PEBP1: variants seen among roughly 807,000 people sequenced by gnomAD.
PEBP1 encodes phosphatidylethanolamine binding protein 1, also known as phosphatidylethanolamine-binding protein 1.
In PEBP1, 17 loss-of-function variants were observed where a neutral mutation model predicts 22.7. The observed-to-expected ratio is 0.75, with a 90% CI of 0.51 to 1.12. The LOEUF (loss-of-function observed/expected upper bound fraction) is 1.12, where lower values mean the gene tolerates loss of function less well. PEBP1 is among the 50% of genes most tolerant of loss of function. The pLI is 0.00. For synonymous variants in PEBP1, 106 were observed against 104.3 expected (o/e 1.02, Z -0.10); for missense variants, 205 against 243.5 (o/e 0.84, Z 1.05).
At chr12:118,141,537 C>T (rs879508257) in intron 3 of PEBP1, among the ~76,000 whole-genome samples, 3 of 152,248 alleles carry the variant, frequency 2.0e-5, no homozygotes, top group Middle Eastern at 3.4e-3. Context: ...AATTCAAGAC[C>T]GGCCTGGCCA....
intron 3 of PEBP1, among the ~76,000 whole-genome samples, chr12:118,140,789 C>T (rs577816918): frequency 8.7e-4 from 132 of 152,190 alleles, no homozygotes; most frequent in Middle Eastern, 3.4e-3. Context: ...CTACCTGCCT[C>T]GGTCTCCCAA....
chr12:118,141,591 A>G (rs1043995900), intron 3 of PEBP1, among the ~76,000 whole-genome samples: 1 of 152,186 alleles, frequency 6.6e-6, no homozygotes, highest in African/African-American at 2.4e-5. Context: ...AAAATTATCC[A>G]GGCATGGTGG....
intron 3 of PEBP1, among the ~76,000 whole-genome samples, chr12:118,142,870 T>G (rs1322087220): frequency 6.9e-6 from 1 of 144,806 alleles, no homozygotes; most frequent in Non-Finnish European, 1.5e-5. Context: ...GATAGGGTCT[T>G]ACTCTGTCCC....
intron 3 of PEBP1, among the ~76,000 whole-genome samples, chr12:118,142,036 T>C (rs923470635): frequency 5.9e-5 from 9 of 151,936 alleles, no homozygotes; most frequent in African/African-American, 2.2e-4. Context: ...TTTGGGCACA[T>C]GCTACACCAG....
chr12:118,137,143 C>T (rs1592926392), intron 1 of PEBP1, among the ~76,000 whole-genome samples: 1 of 152,186 alleles, frequency 6.6e-6, no homozygotes, highest in Non-Finnish European at 1.5e-5. Context: ...TTTCTTTGCA[C>T]TTTGAAACGT....
intron 3 of PEBP1, among the ~76,000 whole-genome samples, chr12:118,142,158 G>A (rs1443909165): frequency 2.7e-5 from 4 of 150,930 alleles, no homozygotes; most frequent in Non-Finnish European, 4.4e-5. Flanking sequence ...ACAAAGTGGA[G>A]TGGCTGCCAT....
chr12:118,137,940 G>A (rs2034080727), intron 1 of PEBP1, 99 bp from the exon 2 acceptor site: 3 of 769,848 alleles, frequency 3.9e-6, no homozygotes, highest in Non-Finnish European at 6.8e-6. Flanking sequence ...TCTCTCCTAG[G>A]CCTCCCAAAG....
At position 118,144,923 on chromosome 12, in the gene PEBP1, C is replaced by T. The variant is rs190033546; in HGVS notation, c.*120C>T. On this transcript the variant is annotated 3_prime_UTR_variant, in exon 4 of 4. Coordinates refer to ENST00000261313, the MANE Select transcript of PEBP1 (RefSeq NM_002567.4). ...CCCCTTGGCATGGGTGAGACCTGAC[C>T]AGTCAGATGGTAGTTGAGGGTGACT... 2.3e-3 allele frequency: 3,574 copies of T among 1,562,562 alleles called. 10 individuals are homozygous for T. The highest frequency in any genetic ancestry group is 2.8e-3 in the Non-Finnish European group (3,202 of 1,160,586).
rs745741685 is a variant in PEBP1 at position 118,144,595 on chromosome 12, G to A, written c.356G>A (p.Arg119His). The change falls in exon 4 of 4, where the codon CGC becomes CAC. Residue 119 changes from arginine to histidine, a missense_variant. Arg to His is a conservative substitution (Grantham distance 29, BLOSUM62 0). Coordinates refer to ENST00000261313, the MANE Select transcript of PEBP1 (RefSeq NM_002567.4). Reference sequence around the variant, plus strand: ...CTGCCTCTCCCCACAGGCCTCCACCGCTATGTCTGGCTGGTTTACGAGCAG... The same window carrying A: ...CTGCCTCTCCCCACAGGCCTCCACCACTATGTCTGGCTGGTTTACGAGCAG... The part of the protein sequence containing the change: ...SGPPKGTGLH[R>H]YVWLVYEQDR... 1.2e-5 allele frequency: 20 copies of A among 1,612,558 alleles called. No homozygotes were observed. Among genetic ancestry groups the A allele is most frequent in the African/African-American group, 2.7e-5 (2 of 74,820 alleles).
chr12:118,136,395 C>G lies in PEBP1; in HGVS notation c.135+51C>G. 1 of 1,508,136 alleles carries G rather than the reference C, an allele frequency of 6.6e-7. No homozygotes were observed. 93.4% of individuals were successfully genotyped at this position (1,508,136 alleles called of 1,614,324 possible). A position where few individuals can be genotyped will look rare whatever the true frequency, so the allele number is the denominator to read the frequency against. The stretch of plus-strand genomic sequence containing the variant: ...GAGCGGCACGGCGCGGAGGCCTGTG[C>G]CGGCCTCCTGGGTGGGACCCAGCGG... On this transcript the variant is annotated intron_variant, in intron 1 of 3. Transcript: ENST00000261313. The surrounding 1 kb of genome is among the most constrained non-coding windows in gnomAD (Gnocchi z 5.6).
intron 3 of PEBP1, among the ~76,000 whole-genome samples, chr12:118,141,761 T>C (rs1284573583): frequency 6.6e-6 from 1 of 152,170 alleles, no homozygotes; most frequent in African/African-American, 2.4e-5. Flanking sequence ...GCAATGTGTA[T>C]TTTAAAAAAT....
At chr12:118,137,719 ACT>A (rs555883701) in intron 1 of PEBP1, among the ~76,000 whole-genome samples, 39 of 152,042 alleles carry the variant, frequency 2.6e-4, no homozygotes, top group Admixed American at 1.9e-3. Flanking sequence ...ACAGAGTCTC[ACT>A]CTGTCGCCCA....
chr12:118,142,831 T>G lies in PEBP1; in HGVS notation c.347-1755T>G, dbSNP rs1284650229. On this transcript the variant is annotated intron_variant, in intron 3 of 3. Transcript: ENST00000261313. The stretch of plus-strand genomic sequence containing the variant: ...AGTAGCGTTAACTACATTCACTTTT[T>G]TTTTTTTTTTTTTTTTTTTTTTTTT... Among the ~76,000 whole-genome samples, 10 of 36,772 alleles carry G rather than the reference T, an allele frequency of 2.7e-4. No homozygotes were observed. The South Asian group carries it at 3.6e-3, about 13-fold the overall frequency. The allele number at this position is 36,772 out of a possible 152,430, so 24.1% of individuals were successfully genotyped here.
At position 118,145,138 on chromosome 12, in the gene PEBP1, C is replaced by T; in HGVS notation, c.*335C>T. The T allele has an allele frequency of 3.5e-6, 1 of 282,772 alleles. No individual in the cohort carries two copies. The highest frequency in any genetic ancestry group is 6.0e-6 in the Non-Finnish European group (1 of 167,400). 17.5% of individuals were successfully genotyped at this position (282,772 alleles called of 1,614,324 possible). A position where few individuals can be genotyped will look rare whatever the true frequency, so the allele number is the denominator to read the frequency against. On this transcript the variant is annotated 3_prime_UTR_variant, in exon 4 of 4. Transcript: ENST00000261313. ...AAAGACCAGGTCTACAGTGATAGAG[C>T]AAAGCATCAAAGAATCTTTAAGGGA...
In PEBP1 at chr12:118,136,386, A is replaced by G. The variant is rs2034059051; in HGVS notation, c.135+42A>G. The G allele has an allele frequency of 1.3e-6, 2 of 1,516,938 alleles. No individual in the cohort carries two copies. Among genetic ancestry groups the G allele is most frequent in the Admixed American group, 2.0e-5 (1 of 48,856 alleles). 94.0% of individuals were successfully genotyped at this position (1,516,938 alleles called of 1,614,324 possible). ...GCGTGCAGCGAGCGGCACGGCGCGG[A>G]GGCCTGTGCCGGCCTCCTGGGTGGG... On this transcript the variant is annotated intron_variant, in intron 1 of 3. Coordinates refer to ENST00000261313, the MANE Select transcript of PEBP1 (RefSeq NM_002567.4). The surrounding 1 kb of genome is among the most constrained non-coding windows in gnomAD (Gnocchi z 5.6).
chr12:118,140,089 A>G (rs540436822), intron 3 of PEBP1, among the ~76,000 whole-genome samples: 1 of 152,236 alleles, frequency 6.6e-6, no homozygotes, highest in East Asian at 1.9e-4. Flanking sequence ...ATTGTGTAGT[A>G]TCGTGTTATA....
chr12:118,138,356 A>T (rs908911216), intron 2 of PEBP1, among the ~76,000 whole-genome samples: 1 of 152,100 alleles, frequency 6.6e-6, no homozygotes. Flanking sequence ...GCCTGTTTTT[A>T]TACAGCCCCA....
rs565987198 is a variant in PEBP1 at position 118,145,471 on chromosome 12, T to C, written c.*668T>C. ...CTTGGGAGGAAACCTGAGATCTGTG[T>C]TTTTTAAATTGATCGTTCTTCATGG... On this transcript the variant is annotated 3_prime_UTR_variant, in exon 4 of 4. Coordinates refer to ENST00000261313, the MANE Select transcript of PEBP1 (RefSeq NM_002567.4). 1 of 157,640 alleles carries C rather than the reference T, an allele frequency of 6.3e-6. No individual in the cohort carries two copies. Among genetic ancestry groups the C allele is most frequent in the Admixed American group, 6.1e-5 (1 of 16,426 alleles). The allele number at this position is 157,640 out of a possible 1,614,324, so 9.8% of individuals were successfully genotyped here. A position where few individuals can be genotyped will look rare whatever the true frequency, so the allele number is the denominator to read the frequency against.
In PEBP1 at chr12:118,136,996, T is replaced by C. The variant is rs1156906695; in HGVS notation, c.135+652T>C. 6.6e-6 allele frequency among the ~76,000 whole-genome samples: 1 copy of C among 152,180 alleles called. No individual in the cohort carries two copies. Among genetic ancestry groups the C allele is most frequent in the African/African-American group, 2.4e-5 (1 of 41,438 alleles). Reference sequence around the variant, plus strand: ...TGAAGCTCCGGGCAACAGCGTAAAATAAACTGCCCCGACCTTACATTGTTT... The same window carrying C: ...TGAAGCTCCGGGCAACAGCGTAAAACAAACTGCCCCGACCTTACATTGTTT... On this transcript the variant is annotated intron_variant, in intron 1 of 3. Transcript: ENST00000261313. This position sits in a 1 kb window ranked among gnomAD's most constrained non-coding sequence, Gnocchi z 5.6.
Sources: gnomAD v4.1 joint callset for allele counts (sites outside exome capture counted in the v4.1 genomes callset) on GRCh38, gnomAD v4.1.1 for gene constraint, Gnocchi (gnomAD v3.1) non-coding constraint, MANE v1.5 for transcripts, NCBI Gene and HGNC (gene_info 2026-07-23, HGNC 2026-07-21) for gene names.